Variants in CBFB observed in about 807,000 individuals in gnomAD.
CBFB encodes the protein core-binding factor subunit beta, also known as CBF-beta.
In CBFB, 9 loss-of-function variants were observed where a neutral mutation model predicts 30.4. The observed-to-expected ratio is 0.30, with a 90% CI of 0.18 to 0.52. The LOEUF is 0.52. CBFB is among the 20% of genes least tolerant of loss of function. CBFB has a pLI of 0.97. For synonymous variants in CBFB, 94 were observed against 84.0 expected (o/e 1.12, Z -0.65); for missense variants, 170 against 244.0 (o/e 0.70, Z 2.02).
chr16:67,031,126 A>C (rs886395248), intron 2 of CBFB, among the ~76,000 whole-genome samples: 2 of 152,198 alleles, frequency 1.3e-5, no homozygotes, highest in African/African-American at 4.8e-5. Flanking sequence ...CACTGAACTC[A>C]AATTTATTTT....
intron 3 of CBFB, among the ~76,000 whole-genome samples, chr16:67,046,912 T>C (rs1460810997): frequency 1.3e-5 from 2 of 152,202 alleles, no homozygotes; most frequent in Non-Finnish European, 2.9e-5. Flanking sequence ...CCTTTTTTTA[T>C]GAAAGTATGC....
At chr16:67,048,150 G>C (rs1966664247) in intron 3 of CBFB, among the ~76,000 whole-genome samples, 2 of 152,168 alleles carry the variant, frequency 1.3e-5, no homozygotes, top group Admixed American at 6.6e-5. Context: ...GCTGGGGTGG[G>C]AGAGTTGCTT....
chr16:67,055,056 G>C (rs780249166), intron 3 of CBFB, among the ~76,000 whole-genome samples: 1 of 151,570 alleles, frequency 6.6e-6, no homozygotes, highest in Non-Finnish European at 1.5e-5. Context: ...TGAGAATCTA[G>C]CTGGTAGATT....
intron 3 of CBFB, among the ~76,000 whole-genome samples, chr16:67,045,536 G>A (rs1249494346): frequency 6.6e-6 from 1 of 151,984 alleles, no homozygotes; most frequent in Admixed American, 6.6e-5. Flanking sequence ...AAATTAAAAT[G>A]TTTTAAAATT....
At chr16:67,094,191 T>C (rs1357785260) in intron 5 of CBFB, among the ~76,000 whole-genome samples, 1 of 148,908 alleles carries the variant, frequency 6.7e-6, no homozygotes, top group African/African-American at 2.5e-5. Flanking sequence ...ACTCCAGGGC[T>C]CAATCAGTCC....
At chr16:67,031,250 A>G (rs1334238869) in intron 2 of CBFB, among the ~76,000 whole-genome samples, 2 of 152,248 alleles carry the variant, frequency 1.3e-5, no homozygotes, top group Non-Finnish European at 2.9e-5. Flanking sequence ...CATGTTATGA[A>G]AGAGAGTCTC....
chr16:67,077,172 T>C lies in CBFB; in HGVS notation c.400-5041T>C, dbSNP rs1445967378. Among the ~76,000 whole-genome samples the C allele has an allele frequency of 3.9e-5, 6 of 152,224 alleles. No individual in the cohort carries two copies. In the East Asian group the frequency reaches 1.2e-3, roughly 29 times the overall value. ...TAAGCCAATAATTTTATCTTCATTG[T>C]TGTACTTTTTAAATGACTTTGTTTT... is the stretch of plus-strand genomic sequence containing the variant. On this transcript the variant is annotated intron_variant, in intron 4 of 5. Coordinates refer to ENST00000412916, the MANE Select transcript of CBFB (RefSeq NM_022845.3).
At chr16:67,066,972 A>G in intron 4 of CBFB, 174 bp downstream of exon 4, 1 of 448,792 alleles carries the variant, frequency 2.2e-6, no homozygotes, top group Non-Finnish European at 4.1e-6. Flanking sequence ...ATTTTGGGAA[A>G]GTTTTTTCTT....
chr16:67,050,152 A>C (rs1276756086), intron 3 of CBFB, among the ~76,000 whole-genome samples: 2 of 148,436 alleles, frequency 1.3e-5, no homozygotes, highest in East Asian at 3.9e-4. Context: ...TGATATATAT[A>C]TATCATAAAT....
At position 67,029,793 on chromosome 16, in the gene CBFB, C is replaced by T; in HGVS notation, c.145C>T (p.Arg49Cys). The change falls in exon 2 of 6, where the codon CGC (arginine) becomes TGC (cysteine). Residue 49 changes from arginine to cysteine, a missense_variant. Physicochemically the swap from Arg to Cys is radical, Grantham distance 180. Coordinates refer to ENST00000412916, the MANE Select transcript of CBFB (RefSeq NM_022845.3). ...CCAGGCACGCTTCCAGAACGCCTGC[C>T]GCGACGGCCGCTCGGAAATCGTAAG... ...ERQARFQNAC[R>C]DGRSEIAFVA... The T allele has an allele frequency of 6.3e-7, 1 of 1,588,470 alleles. No homozygotes were observed. Among genetic ancestry groups the T allele is most frequent in the Non-Finnish European group, 8.5e-7 (1 of 1,169,678 alleles).
At chr16:67,050,243 A>T (rs1379963242) in intron 3 of CBFB, among the ~76,000 whole-genome samples, 5 of 147,746 alleles carry the variant, frequency 3.4e-5, no homozygotes, top group African/African-American at 9.8e-5. Flanking sequence ...TATGTAATAT[A>T]TATCACATAA....
chr16:67,058,362 A>G (rs1217619253), intron 3 of CBFB, among the ~76,000 whole-genome samples: 1 of 152,170 alleles, frequency 6.6e-6, no homozygotes, highest in Non-Finnish European at 1.5e-5. Context: ...GTTGGTCTCC[A>G]ACTCCTGACC....
chr16:67,058,369 G>C (rs1960791602), intron 3 of CBFB, among the ~76,000 whole-genome samples: 1 of 152,170 alleles, frequency 6.6e-6, no homozygotes, highest in South Asian at 2.1e-4. Context: ...TCCAACTCCT[G>C]ACCTCAAGTG....
At chr16:67,097,984 G>A (rs1036337262) in intron 5 of CBFB, among the ~76,000 whole-genome samples, 2 of 152,180 alleles carry the variant, frequency 1.3e-5, no homozygotes, top group East Asian at 1.9e-4. Context: ...AACAGTGCCC[G>A]CAGACAGCTG....
chr16:67,079,937 A>G (rs1467977210), intron 4 of CBFB, among the ~76,000 whole-genome samples: 1 of 152,198 alleles, frequency 6.6e-6, no homozygotes, highest in African/African-American at 2.4e-5. Flanking sequence ...ACTTGAGGTC[A>G]GGAGTTCGAG....
chr16:67,082,084 G>T (rs554098194), intron 4 of CBFB, 129 bp from the exon 5 acceptor site: 1 of 566,212 alleles, frequency 1.8e-6, no homozygotes, highest in East Asian at 3.4e-5. Context: ...CTCCCAAAGT[G>T]CTGAGATTAC....
intron 5 of CBFB, among the ~76,000 whole-genome samples, chr16:67,095,858 A>G (rs1456466577): frequency 2.0e-5 from 3 of 151,694 alleles, no homozygotes; most frequent in Non-Finnish European, 2.9e-5. Context: ...ACACCCAGCT[A>G]ATTTTTGTAT....
At chr16:67,034,846 A>T (rs1310246591) in intron 2 of CBFB, among the ~76,000 whole-genome samples, 1 of 152,148 alleles carries the variant, frequency 6.6e-6, no homozygotes, top group Non-Finnish European at 1.5e-5. Flanking sequence ...GAAGCTGAAA[A>T]AGTTGGCTTT....
intron 4 of CBFB, among the ~76,000 whole-genome samples, chr16:67,071,227 C>T (rs540032675): frequency 6.6e-6 from 1 of 152,210 alleles, no homozygotes; most frequent in South Asian, 2.1e-4. Context: ...GAATCCTGGC[C>T]CCACTACTTA....
Sources: gnomAD v4.1 joint callset for allele counts (sites outside exome capture counted in the v4.1 genomes callset) on GRCh38, gnomAD v4.1.1 for gene constraint, MANE v1.5 for transcripts, NCBI Gene and HGNC (gene_info 2026-07-23, HGNC 2026-07-21) for gene names.